SRPK1: variants seen among roughly 807,000 people sequenced by gnomAD.
SRPK1 encodes SFRS protein kinase 1.
A neutral mutation model predicts 89.5 loss-of-function variants in SRPK1; 52 were observed. The observed-to-expected ratio is 0.58, with a 90% CI of 0.46 to 0.73. SRPK1 has a LOEUF of 0.73. Among genes scored for constraint, SRPK1 ranks in the 30% least tolerant of loss-of-function variants. The pLI, the probability that SRPK1 is intolerant of heterozygous loss-of-function variation, is 0.00. For missense variants in SRPK1, 603 were observed against 780.6 expected (o/e 0.77, Z 2.71); for synonymous variants, 255 against 270.2 (o/e 0.94, Z 0.55).
intron 2 of SRPK1, among the ~76,000 whole-genome samples, chr6:35,913,805 G>GAAA (rs202235876): frequency 3.6e-5 from 5 of 140,394 alleles, no homozygotes; most frequent in African/African-American, 5.3e-5. Flanking sequence ...CTCAAAAAAA[G>GAAA]AAAAAAAAAT....
chr6:35,921,032 T>C lies in SRPK1; in HGVS notation c.13+12A>G, dbSNP rs972771795. 6.5e-7 allele frequency: 1 copy of C among 1,544,972 alleles called. No homozygotes were observed. The highest frequency in any genetic ancestry group is 2.6e-5 in the East Asian group (1 of 38,736). On this transcript the variant is annotated intron_variant, in intron 1 of 15. Transcript: ENST00000373825. Reference sequence around the variant, plus strand: ...CATTGCCCCTCGTGGCGGAGGCCGCTCCACCGCTCACCTTTCCGCTCCATG... The same window carrying C: ...CATTGCCCCTCGTGGCGGAGGCCGCCCCACCGCTCACCTTTCCGCTCCATG...
chr6:35,883,036 T>C (rs1250074952), intron 6 of SRPK1, among the ~76,000 whole-genome samples: 1 of 152,182 alleles, frequency 6.6e-6, no homozygotes, highest in Non-Finnish European at 1.5e-5. Context: ...CTTGAACTCC[T>C]GACCTCGTGA....
intron 15 of SRPK1, among the ~76,000 whole-genome samples, chr6:35,837,094 T>TTCA (rs1164159906): frequency 6.6e-6 from 1 of 152,188 alleles, no homozygotes; most frequent in East Asian, 1.9e-4. Flanking sequence ...AGGTCAGGTT[T>TTCA]TCACATTTCA....
chr6:35,835,338 G>C lies in SRPK1; in HGVS notation c.1934C>G (p.Ala645Gly), dbSNP rs781129729. Residue 645 changes from alanine to glycine, a missense_variant, in exon 16 of 16, where the codon GCC becomes GGC. Ala to Gly is a moderately conservative substitution (Grantham distance 60). Coordinates refer to ENST00000373825, the MANE Select transcript of SRPK1 (RefSeq NM_003137.5). ...AAGCCAAGGGTGCCGGAGACACTCG[G>C]CGGCAGTGGCTCTCTTCTCAGGGAT... is the stretch of plus-strand genomic sequence containing the variant. ...ELIPEKRATAAECLRHPWLNS is the reference protein window; with the variant it reads ...ELIPEKRATAGECLRHPWLNS The C allele has an allele frequency of 1.9e-6, 3 of 1,613,808 alleles. No homozygotes were observed. The highest frequency in any genetic ancestry group is 1.3e-5 in the African/African-American group (1 of 75,030).
At chr6:35,863,432 G>A (rs1415062169) in intron 12 of SRPK1, among the ~76,000 whole-genome samples, 2 of 147,500 alleles carry the variant, frequency 1.4e-5, no homozygotes, top group East Asian at 2.0e-4. Context: ...ATTTCTACCT[G>A]GGCAACAGAG....
chr6:35,876,281 CTAG>C (rs1228305801), intron 6 of SRPK1, among the ~76,000 whole-genome samples: 2 of 152,078 alleles, frequency 1.3e-5, no homozygotes, highest in Non-Finnish European at 2.9e-5. Flanking sequence ...TTGTATTATG[CTAG>C]TAGAAGTCTA....
At chr6:35,844,027 T>C (rs964376592) in intron 13 of SRPK1, among the ~76,000 whole-genome samples, 2 of 136,956 alleles carry the variant, frequency 1.5e-5, no homozygotes, top group African/African-American at 5.6e-5. Flanking sequence ...TTTTTTTGGA[T>C]GGAGTCTCGC....
intron 2 of SRPK1, among the ~76,000 whole-genome samples, chr6:35,896,347 T>C (rs569243128): frequency 1.3e-5 from 2 of 152,328 alleles, no homozygotes; most frequent in African/African-American, 4.8e-5. Context: ...GAGTCTGTGT[T>C]CATTGTTGTG....
chr6:35,908,880 T>C, intron 2 of SRPK1, among the ~76,000 whole-genome samples: 1 of 152,248 alleles, frequency 6.6e-6, no homozygotes, highest in South Asian at 2.1e-4. Flanking sequence ...CCTTGGCAGC[T>C]TCCACGTGGT....
chr6:35,857,248 G>GA lies in SRPK1; in HGVS notation c.1620+12dup, dbSNP rs753952396. The GA allele has an allele frequency of 9.4e-6, 15 of 1,597,768 alleles. No homozygotes were observed. Among genetic ancestry groups the GA allele is most frequent in the Admixed American group, 1.7e-5 (1 of 59,038 alleles). ...CCACTTAACAAGTGAAAGCCAAGGG[G>GA]AAAAAACATTACCATGCATGCCGTG... On this transcript the variant is annotated intron_variant, in intron 13 of 15. Coordinates refer to ENST00000373825, the MANE Select transcript of SRPK1 (RefSeq NM_003137.5).
At chr6:35,850,783 T>C (rs1263348385) in intron 13 of SRPK1, among the ~76,000 whole-genome samples, 3 of 152,072 alleles carry the variant, frequency 2.0e-5, no homozygotes, top group Non-Finnish European at 4.4e-5. Context: ...GAGTGACAAG[T>C]TCTATGTGAC....
At chr6:35,881,824 C>T (rs1369393137) in intron 6 of SRPK1, among the ~76,000 whole-genome samples, 1 of 151,914 alleles carries the variant, frequency 6.6e-6, no homozygotes, top group African/African-American at 2.4e-5. Flanking sequence ...TAATGCCACA[C>T]TCTCAATAAT....
At chr6:35,868,861 G>A (rs1206227240) in intron 12 of SRPK1, 149 bp downstream of exon 12, 2 of 625,450 alleles carry the variant, frequency 3.2e-6, no homozygotes, top group African/African-American at 3.8e-5. Flanking sequence ...CTTTTCCATA[G>A]TAAAAGGTTT....
At chr6:35,901,678 T>C (rs1232075456) in intron 2 of SRPK1, among the ~76,000 whole-genome samples, 2 of 152,338 alleles carry the variant, frequency 1.3e-5, no homozygotes, top group Middle Eastern at 6.8e-3. Context: ...TATTTAGATG[T>C]GATGCAAAGA....
chr6:35,911,601 T>C (rs1770960629), intron 2 of SRPK1, among the ~76,000 whole-genome samples: 1 of 151,878 alleles, frequency 6.6e-6, no homozygotes, highest in Non-Finnish European at 1.5e-5. Context: ...AGTTTCTTTC[T>C]TTTTTGTTTT....
chr6:35,840,151 C>T (rs945030595), intron 14 of SRPK1, among the ~76,000 whole-genome samples: 3 of 152,160 alleles, frequency 2.0e-5, no homozygotes, highest in African/African-American at 7.2e-5. Context: ...ATACTTTTAT[C>T]GTGTAGTTAC....
chr6:35,858,040 G>C (rs1018845733), intron 12 of SRPK1, among the ~76,000 whole-genome samples: 9 of 152,090 alleles, frequency 5.9e-5, no homozygotes, highest in African/African-American at 1.9e-4. Context: ...TTGAATATTT[G>C]AATTTTGTTT....
chr6:35,905,424 A>C (rs2127265695), intron 2 of SRPK1, among the ~76,000 whole-genome samples: 1 of 152,326 alleles, frequency 6.6e-6, no homozygotes, highest in East Asian at 1.9e-4. Context: ...CATAATCACA[A>C]ATTACATACA....
intron 2 of SRPK1, among the ~76,000 whole-genome samples, chr6:35,900,477 C>T (rs1770718070): frequency 6.6e-6 from 1 of 152,138 alleles, no homozygotes; most frequent in Non-Finnish European, 1.5e-5. Flanking sequence ...TATAGGGTCC[C>T]TGCCTTCACT....
Sources: gnomAD v4.1 joint callset for allele counts (sites outside exome capture counted in the v4.1 genomes callset) on GRCh38, gnomAD v4.1.1 for gene constraint, MANE v1.5 for transcripts, NCBI Gene and HGNC (gene_info 2026-07-23, HGNC 2026-07-21) for gene names.